Variants in RYR2 observed in about 807,000 individuals in gnomAD.
The protein encoded by RYR2 is cardiac muscle ryanodine receptor-calcium release channel.
In RYR2, 227 loss-of-function variants were observed where a neutral mutation model predicts 601.1. The observed-to-expected ratio is 0.38, with a 90% confidence interval of 0.34 to 0.42. The LOEUF is 0.42. RYR2 is among the 10% of genes least tolerant of loss of function. RYR2 has a pLI of 1.00. For missense variants in RYR2, 4,646 were observed against 6,156.5 expected (o/e 0.75, Z 8.21); for synonymous variants, 2,223 against 2,175.1 (o/e 1.02, Z -0.61).
In RYR2 at chr1:237,067,828, A is replaced by G. The variant is rs562368036; in HGVS notation, c.48+25259A>G. Among the ~76,000 whole-genome samples the G allele has an allele frequency of 1.4e-4, 22 of 152,302 alleles. No individual in the cohort carries two copies. In the South Asian group the frequency reaches 4.6e-3, roughly 32 times the overall value. On this transcript the variant is annotated intron_variant, in intron 1 of 104. Coordinates refer to ENST00000366574, the MANE Select transcript of RYR2 (RefSeq NM_001035.3). ...CCTGACTAAACTCTTTTCTGTTAAC[A>G]TCCTGCGCTTTAATTATTGCTTCCT...
chr1:237,074,789 C>T (rs1446958625), intron 1 of RYR2, among the ~76,000 whole-genome samples: 3 of 152,010 alleles, frequency 2.0e-5, no homozygotes, highest in Admixed American at 6.6e-5. Context: ...ATGATTCAGG[C>T]GATGTTACGT....
chr1:237,295,545 T>C (rs1692673351), intron 2 of RYR2, among the ~76,000 whole-genome samples: 1 of 152,198 alleles, frequency 6.6e-6, no homozygotes, highest in African/African-American at 2.4e-5. Context: ...TGCATTTCTC[T>C]TAATCACCGA....
Position 237,793,664 on chromosome 1 carries a change from T to A in RYR2, c.13783-203T>A, listed in dbSNP as rs115344168. Reference sequence around the variant, plus strand: ...TTTAAAAACATATGCATATATGTAATATCTATTCTATCTTCTGTTTTTCCA... The same window carrying A: ...TTTAAAAACATATGCATATATGTAAAATCTATTCTATCTTCTGTTTTTCCA... On this transcript the variant is annotated intron_variant, in intron 94 of 104. Transcript: ENST00000366574. Among the ~76,000 whole-genome samples the A allele has an allele frequency of 6.1e-3, 924 of 152,346 alleles. 5 individuals are homozygous for A. Among genetic ancestry groups the A allele is most frequent in the African/African-American group, 0.02 (852 of 41,580 alleles).
intron 48 of RYR2, 34 bp from the exon 49 acceptor site, chr1:237,648,410 G>A: frequency 2.6e-6 from 4 of 1,559,722 alleles, no homozygotes; most frequent in Non-Finnish European, 3.5e-6. Context: ...ATATGACACA[G>A]CCATTGACAC....
chr1:237,384,026 A>T (rs1056397321), intron 8 of RYR2, among the ~76,000 whole-genome samples: 1 of 152,204 alleles, frequency 6.6e-6, no homozygotes, highest in Non-Finnish European at 1.5e-5. Context: ...TGAATATTGC[A>T]TACCACAAGC....
chr1:237,758,498 C>T (rs1304453356), intron 82 of RYR2, among the ~76,000 whole-genome samples: 1 of 152,108 alleles, frequency 6.6e-6, no homozygotes, highest in Non-Finnish European at 1.5e-5. Context: ...ATATGTGTGT[C>T]TGTGTATCTG....
chr1:237,428,924 A>G (rs987203684), intron 12 of RYR2, among the ~76,000 whole-genome samples: 1 of 152,076 alleles, frequency 6.6e-6, no homozygotes, highest in East Asian at 1.9e-4. Flanking sequence ...TTCTCAGTTC[A>G]TGATACGCAC....
chr1:237,657,954 C>T lies in RYR2; in HGVS notation c.8140C>T (p.Pro2714Ser). The T allele has an allele frequency of 6.7e-7, 1 of 1,498,896 alleles. No homozygotes were observed. The highest frequency in any genetic ancestry group is 9.0e-7 in the Non-Finnish European group (1 of 1,115,552). The allele number at this position is 1,498,896 out of a possible 1,614,324, so 92.8% of individuals were successfully genotyped here. A position where few individuals can be genotyped will look rare whatever the true frequency, so the allele number is the denominator to read the frequency against. ...QPVDTSNITI[P>S]EKLEYFINKY... ...TTACTTTTCTCATAGTATTACAATT[C>T]CTGAGAAATTGGAATACTTCATTAA... The change falls in exon 54 of 105, where the codon CCT becomes TCT. Residue 2714 changes from proline (P) to serine (S), a missense_variant. This residue lies in a region of RYR2 where 1,497 missense variants were observed against 1,842.6 expected (regional missense o/e 0.81). Transcript: ENST00000366574.
chr1:237,227,623 C>A (rs1032732059), intron 1 of RYR2, among the ~76,000 whole-genome samples: 5 of 152,146 alleles, frequency 3.3e-5, no homozygotes, highest in African/African-American at 1.2e-4. Context: ...ACTCCAGTTT[C>A]CTCTCAGCCC....
intron 16 of RYR2, among the ~76,000 whole-genome samples, chr1:237,457,404 G>A (rs1658968117): frequency 6.6e-6 from 1 of 152,072 alleles, no homozygotes; most frequent in Admixed American, 6.6e-5. Flanking sequence ...GCTTCTACTT[G>A]TCTCTTGTCA....
intron 80 of RYR2, among the ~76,000 whole-genome samples, chr1:237,745,796 G>A (rs1692022170): frequency 1.3e-5 from 2 of 152,138 alleles, no homozygotes; most frequent in East Asian, 3.9e-4. Flanking sequence ...AGAGGATACA[G>A]ACCAGCAGAT....
chr1:237,666,486 ACT>A (rs1480232693), intron 56 of RYR2, 24 bp from the exon 57 acceptor site: 1 of 1,597,106 alleles, frequency 6.3e-7, no homozygotes, highest in Non-Finnish European at 8.5e-7. Flanking sequence ...TTAATGAGGC[ACT>A]GTTTTTTCAC....
chr1:237,220,973 G>A (rs745374876), intron 1 of RYR2, among the ~76,000 whole-genome samples: 27 of 152,026 alleles, frequency 1.8e-4, no homozygotes, highest in Non-Finnish European at 3.2e-4. Flanking sequence ...GTGGGTGCCC[G>A]TAATCCCAGC....
chr1:237,421,744 G>T (rs1395394953), intron 11 of RYR2, among the ~76,000 whole-genome samples: 5 of 151,996 alleles, frequency 3.3e-5, no homozygotes, highest in Non-Finnish European at 7.4e-5. Context: ...TTGACTCATT[G>T]TATTTTGACA....
At chr1:237,192,293 C>A (rs2149002907) in intron 1 of RYR2, among the ~76,000 whole-genome samples, 1 of 152,298 alleles carries the variant, frequency 6.6e-6, no homozygotes, top group African/African-American at 2.4e-5. Flanking sequence ...ACTGCAACCT[C>A]CGCCTCCTGG....
At chr1:237,412,922 T>C (rs1185217922) in intron 10 of RYR2, among the ~76,000 whole-genome samples, 1 of 152,196 alleles carries the variant, frequency 6.6e-6, no homozygotes, top group Admixed American at 6.5e-5. Context: ...ATTGTCCTCC[T>C]AGACTCTGAT....
chr1:237,604,996 A>G (rs1676947072), intron 35 of RYR2, among the ~76,000 whole-genome samples: 1 of 152,196 alleles, frequency 6.6e-6, no homozygotes, highest in Non-Finnish European at 1.5e-5. Context: ...CAGAGGTACA[A>G]GGAGGAGCTG....
In RYR2 at chr1:237,798,054, A is replaced by G. The variant is rs374606415; in HGVS notation, c.13974A>G (p.Gly4658=). 98 of 1,610,756 alleles carry G rather than the reference A, an allele frequency of 6.1e-5. No homozygotes were observed. In the African/African-American group the frequency reaches 1.2e-3, roughly 20 times the overall value. ...ACCCCAAGGTTATGGATAAATATGG[A>G]GAGTTCTACGGCCGAGACAGAATCA... ...FVKRKVMDKY[G]EFYGRDRISE... is the part of the protein sequence containing the mutation. Residue 4658 remains glycine (G), a synonymous_variant, in exon 97 of 105, where the codon GGA becomes GGG. Transcript: ENST00000366574.
rs556612418 is a variant in RYR2 at position 237,386,977 on chromosome 1, T to G, written c.577-304T>G. ...TAATTTTAAGTGCTCATTTTGTTCA[T>G]CAACCATCGTTAAAACAAAAATAGT... On this transcript the variant is annotated intron_variant, in intron 8 of 104. Coordinates refer to ENST00000366574, the MANE Select transcript of RYR2 (RefSeq NM_001035.3). 1.0e-3 allele frequency among the ~76,000 whole-genome samples: 155 copies of G among 152,354 alleles called. 1 individual carries two copies. Among genetic ancestry groups the G allele is most frequent in the African/African-American group, 3.6e-3 (149 of 41,582 alleles).
Sources: gnomAD v4.1 joint callset for allele counts (sites outside exome capture counted in the v4.1 genomes callset) on GRCh38, gnomAD v4.1.1 for gene constraint, gnomAD v4.1.1 regional missense constraint, MANE v1.5 for transcripts, NCBI Gene and HGNC (gene_info 2026-07-23, HGNC 2026-07-21) for gene names.